Variants in CWC22 observed in about 807,000 individuals in gnomAD.
The protein encoded by CWC22 is pre-mRNA-splicing factor CWC22 homolog.
In CWC22, 53 loss-of-function variants were observed where a neutral mutation model predicts 117.2. That is an observed-to-expected ratio of 0.45 (90% CI 0.36 to 0.57). The LOEUF is 0.57. Among genes scored for constraint, CWC22 ranks in the 20% least tolerant of loss-of-function variants. The pLI is 0.00. For missense variants in CWC22, 980 were observed against 1,068.8 expected (o/e 0.92, Z 1.16); for synonymous variants, 360 against 355.6 (o/e 1.01, Z -0.14).
At chr2:179,970,407 G>A in intron 11 of CWC22, 94 bp downstream of exon 11, 1 of 1,207,174 alleles carries the variant, frequency 8.3e-7, no homozygotes, top group Non-Finnish European at 1.1e-6. Context: ...GATTCATTAG[G>A]TGGGGATCTC....
intron 11 of CWC22, among the ~76,000 whole-genome samples, chr2:179,967,921 G>C (rs1484321969): frequency 1.3e-5 from 2 of 151,992 alleles, no homozygotes; most frequent in African/African-American, 4.8e-5. Context: ...CTGTCACTTT[G>C]GGGAAAACAA....
At chr2:179,949,805 T>C (rs1433660420) in intron 19 of CWC22, among the ~76,000 whole-genome samples, 4 of 152,214 alleles carry the variant, frequency 2.6e-5, no homozygotes, top group Non-Finnish European at 5.9e-5. Context: ...TATATTCATA[T>C]AGTAGGAAAC....
rs551531686 is a variant in CWC22, at chr2:179,993,410, C to T, written c.-69G>A. ...TGGTCCAAATAACAAGTACCCAATG[C>T]TCTGAATTCCTTGACAGTTTACTTT... On this transcript the variant is annotated 5_prime_UTR_variant, in exon 2 of 20. Coordinates refer to ENST00000410053, the MANE Select transcript of CWC22 (RefSeq NM_020943.3). 486 of 1,077,616 alleles carry T rather than the reference C, an allele frequency of 4.5e-4. 12 individuals are homozygous for T. In the South Asian group the frequency reaches 6.3e-3, roughly 14 times the overall value. The allele number at this position is 1,077,616 out of a possible 1,614,324, so 66.8% of individuals were successfully genotyped here. A position where few individuals can be genotyped will look rare whatever the true frequency, so the allele number is the denominator to read the frequency against.
chr2:179,984,258 A>G (rs1188481080), intron 4 of CWC22, among the ~76,000 whole-genome samples: 1 of 152,196 alleles, frequency 6.6e-6, no homozygotes, highest in Middle Eastern at 3.4e-3. Context: ...TAATAAACTC[A>G]AAGCCATTTC....
chr2:179,994,025 CTAAG>C (rs1687637256), intron 1 of CWC22, among the ~76,000 whole-genome samples: 1 of 152,116 alleles, frequency 6.6e-6, no homozygotes, highest in South Asian at 2.1e-4. Context: ...CATATGAGAA[CTAAG>C]TATTTAGCTC....
chr2:179,970,941 C>T lies in CWC22; in HGVS notation c.940G>A (p.Ala314Thr), dbSNP rs780155691. The T allele has an allele frequency of 1.2e-6, 2 of 1,611,946 alleles. No homozygotes were observed. Among genetic ancestry groups the T allele is most frequent in the Non-Finnish European group, 1.7e-6 (2 of 1,178,902 alleles). ...LTQVSPRGIN[A>T]IFERLRNILH... ...CATCAAACTATGAATGTACACTTAC[C>T]ATTGATTCCTCTTGGTGACACTTGT... Residue 314 changes from alanine to threonine, a missense_variant and splice_region_variant, in exon 9 of 20, where the codon GCT becomes ACT. This residue lies in a region of CWC22 where 559 missense variants were observed against 602.3 expected (regional missense o/e 0.93). Transcript: ENST00000410053.
intron 3 of CWC22, among the ~76,000 whole-genome samples, chr2:179,987,593 A>G (rs1687452669): frequency 6.6e-6 from 1 of 152,272 alleles, no homozygotes; most frequent in African/African-American, 2.4e-5. Context: ...TCACAAAGCA[A>G]AGTTTTTAGA....
At chr2:179,993,152 T>C (rs963958537) in intron 2 of CWC22, among the ~76,000 whole-genome samples, 163 bp downstream of exon 2, 3 of 152,250 alleles carry the variant, frequency 2.0e-5, no homozygotes, top group African/African-American at 7.2e-5. Context: ...CAAACAGTAA[T>C]TGTGGTTTTT....
At chr2:179,995,986 G>A (rs1244513365) in intron 1 of CWC22, among the ~76,000 whole-genome samples, 1 of 152,156 alleles carries the variant, frequency 6.6e-6, no homozygotes, top group East Asian at 1.9e-4. Flanking sequence ...CCACATCTCT[G>A]ACTACCTCTG....
intron 1 of CWC22, among the ~76,000 whole-genome samples, chr2:179,996,847 CGTA>C (rs954476457): frequency 6.9e-6 from 1 of 144,974 alleles, no homozygotes; most frequent in African/African-American, 2.5e-5. Context: ...AAAAAGTTAA[CGTA>C]GAATTCCAGC....
At position 179,952,602 on chromosome 2, in the gene CWC22, A is replaced by T; in HGVS notation, c.1690-4T>A. 1 of 1,387,422 alleles carries T rather than the reference A, an allele frequency of 7.2e-7. No individual in the cohort carries two copies. Among genetic ancestry groups the T allele is most frequent in the East Asian group, 2.6e-5 (1 of 38,468 alleles). The allele number at this position is 1,387,422 out of a possible 1,614,324, so 85.9% of individuals were successfully genotyped here. A position where few individuals can be genotyped will look rare whatever the true frequency, so the allele number is the denominator to read the frequency against. On this transcript the variant is annotated splice_polypyrimidine_tract_variant and splice_region_variant and intron_variant, in intron 16 of 19. Transcript: ENST00000410053. Reference sequence around the variant, plus strand: ...TCAGTTTTATACATTCAAGAACCTGAAAATTAAAATAAAAAAAGACAAGTA... The same window carrying T: ...TCAGTTTTATACATTCAAGAACCTGTAAATTAAAATAAAAAAAGACAAGTA...
At chr2:179,952,822 C>T (rs1686487884) in intron 16 of CWC22, among the ~76,000 whole-genome samples, 1 of 152,040 alleles carries the variant, frequency 6.6e-6, no homozygotes, top group South Asian at 2.1e-4. Context: ...ATTTCATTCT[C>T]TGTTTTGAGT....
chr2:179,979,751 C>A (rs1020625314), intron 5 of CWC22, among the ~76,000 whole-genome samples: 1 of 152,176 alleles, frequency 6.6e-6, no homozygotes, highest in Non-Finnish European at 1.5e-5. Flanking sequence ...TAACTCCAAC[C>A]TTTTGGTATT....
intron 3 of CWC22, 25 bp from the exon 4 acceptor site, chr2:179,986,830 T>G (rs1687430336): frequency 7.3e-7 from 1 of 1,368,590 alleles, no homozygotes; most frequent in Admixed American, 2.3e-5. Flanking sequence ...GAAAACCAAG[T>G]TGCAAATTAA....
In CWC22 at chr2:179,984,229, C is replaced by A. The variant is rs75535865; in HGVS notation, c.207-2232G>T. On this transcript the variant is annotated intron_variant, in intron 4 of 19. Transcript: ENST00000410053. Reference sequence around the variant, plus strand: ...TCAACATCTACCAGATGTTTAAATGCAACCTCAGGTAAGCTACTTAATAAA... The same window carrying A: ...TCAACATCTACCAGATGTTTAAATGAAACCTCAGGTAAGCTACTTAATAAA... Among the ~76,000 whole-genome samples the A allele has an allele frequency of 4.8e-3, 734 of 152,192 alleles. 6 individuals carry two copies. The highest frequency in any genetic ancestry group is 0.017 in the African/African-American group (704 of 41,554).
In CWC22 at chr2:179,945,642, T is replaced by A. The variant is rs754324267; in HGVS notation, c.2214A>T (p.Gln738His). 2 of 1,612,390 alleles carry A rather than the reference T, an allele frequency of 1.2e-6. No homozygotes were observed. Among genetic ancestry groups the A allele is most frequent in the African/African-American group, 2.7e-5 (2 of 74,900 alleles). ...TTTCTTTTTGTTTCCTATCATTTGTTTGCTGGTTTCTGATCAATTTATCTA... is the reference window on the plus strand; with the variant it reads ...TTTCTTTTTGTTTCCTATCATTTGTATGCTGGTTTCTGATCAATTTATCTA... ...KEVDKLIRNQQTNDRKQKERR... is the reference protein window; with the variant it reads ...KEVDKLIRNQHTNDRKQKERR... The change falls in exon 20 of 20, where the codon CAA becomes CAT. Residue 738 changes from glutamine to histidine, a missense_variant. Transcript: ENST00000410053.
At chr2:180,005,023 G>GAA (rs1156980514) in intron 1 of CWC22, among the ~76,000 whole-genome samples, 10 of 129,506 alleles carry the variant, frequency 7.7e-5, no homozygotes, top group South Asian at 2.5e-4. Context: ...AATGCTTTCG[G>GAA]AAAAAAAAAA....
rs777125046 is a variant in CWC22, at chr2:179,988,604, T to C, written c.68A>G (p.Tyr23Cys). 5 of 1,532,402 alleles carry C rather than the reference T, an allele frequency of 3.3e-6. No individual in the cohort carries two copies. Among genetic ancestry groups the C allele is most frequent in the Admixed American group, 3.9e-5 (2 of 50,806 alleles). The allele number at this position is 1,532,402 out of a possible 1,614,324, so 94.9% of individuals were successfully genotyped here. A position where few individuals can be genotyped will look rare whatever the true frequency, so the allele number is the denominator to read the frequency against. ...GTCTTCTGGAGAGGAGTTCCTCTGA[T>C]ATGAATTAAGGTTTTCCCTTCTGTC... is the stretch of plus-strand genomic sequence containing the variant. ...GHDRRENLNS[Y>C]QRNSSPEDRY... is the part of the protein sequence containing the mutation. Residue 23 changes from tyrosine to cysteine, a missense_variant, in exon 3 of 20, where the codon TAT (tyrosine) becomes TGT (cysteine). Physicochemically the swap from Tyr to Cys is radical, Grantham distance 194. Around this residue, in one of 3 missense-constraint regions of CWC22, gnomAD observed 559 missense variants for 602.3 expected, o/e 0.93. Coordinates refer to ENST00000410053, the MANE Select transcript of CWC22 (RefSeq NM_020943.3).
intron 19 of CWC22, among the ~76,000 whole-genome samples, chr2:179,949,232 C>T (rs1686386729): frequency 1.3e-5 from 2 of 152,108 alleles, no homozygotes; most frequent in Non-Finnish European, 2.9e-5. Context: ...GTCTGGTAGC[C>T]TTGCAGGGCT....
Sources: gnomAD v4.1 joint callset for allele counts (sites outside exome capture counted in the v4.1 genomes callset) on GRCh38, gnomAD v4.1.1 for gene constraint, gnomAD v4.1.1 regional missense constraint, MANE v1.5 for transcripts, NCBI Gene and HGNC (gene_info 2026-07-23, HGNC 2026-07-21) for gene names.